The following NAALADL2 variants were observed in gnomAD, a reference collection of about 807,000 sequenced individuals.
NAALADL2 encodes N-acetylated alpha-linked acidic dipeptidase like 2.
NAALADL2 carries 76 observed loss-of-function variants against 87.2 expected under a neutral mutation model. The ratio of observed to expected loss-of-function variants is 0.87; its 90% CI spans 0.72 to 1.05. The LOEUF (loss-of-function observed/expected upper bound fraction) is 1.05. NAALADL2 is among the 50% of genes least tolerant of loss of function. The pLI is 0.00. For missense variants in NAALADL2, 1,089 were observed against 945.8 expected (o/e 1.15, Z -1.99); for synonymous variants, 354 against 331.0 (o/e 1.07, Z -0.75).
intron 1 of NAALADL2, among the ~76,000 whole-genome samples, chr3:174,947,899 A>G (rs2108499183): frequency 6.6e-6 from 1 of 152,204 alleles, no homozygotes; most frequent in Middle Eastern, 3.4e-3. Flanking sequence ...ATTTTGGTAA[A>G]CTTGCTGCCA....
chr3:175,036,534 G>A (rs2108943067), intron 1 of NAALADL2, among the ~76,000 whole-genome samples: 1 of 151,832 alleles, frequency 6.6e-6, no homozygotes, highest in South Asian at 2.1e-4. Flanking sequence ...CAAATAGCTG[G>A]GACTACAGGC....
chr3:174,606,842 A>C (rs1376985131), intron 2 of NAALADL2, among the ~76,000 whole-genome samples: 1 of 152,178 alleles, frequency 6.6e-6, no homozygotes, highest in Non-Finnish European at 1.5e-5. Context: ...ACTCCTCGAG[A>C]AGAGCAACTC....
chr3:174,835,181 A>G (rs1467168132), intron 3 of NAALADL2, among the ~76,000 whole-genome samples: 1 of 152,064 alleles, frequency 6.6e-6, no homozygotes, highest in Non-Finnish European at 1.5e-5. Context: ...AAAAATAACT[A>G]GGGGAAACAA....
intron 2 of NAALADL2, among the ~76,000 whole-genome samples, chr3:174,622,767 G>A (rs879338787): frequency 2.6e-5 from 4 of 152,164 alleles, no homozygotes; most frequent in African/African-American, 7.2e-5. Context: ...CGGGCCGGGC[G>A]CGGTGGCTCA....
At chr3:174,714,292 T>C (rs1730971874) in intron 2 of NAALADL2, among the ~76,000 whole-genome samples, 1 of 152,204 alleles carries the variant, frequency 6.6e-6, no homozygotes, top group African/African-American at 2.4e-5. Context: ...GGGCTCTTTT[T>C]TGGTTCCATA....
At chr3:175,238,390 G>T (rs960455143) in intron 3 of NAALADL2, among the ~76,000 whole-genome samples, 1 of 152,062 alleles carries the variant, frequency 6.6e-6, no homozygotes, top group Non-Finnish European at 1.5e-5. Flanking sequence ...AAACAAAAGG[G>T]ATTGTTAAAG....
chr3:175,183,025 T>G (rs984727690), intron 2 of NAALADL2, among the ~76,000 whole-genome samples: 2 of 146,048 alleles, frequency 1.4e-5, no homozygotes, highest in African/African-American at 4.9e-5. Context: ...ATTTGGGAAG[T>G]TTTTTGTGGT....
intron 3 of NAALADL2, among the ~76,000 whole-genome samples, chr3:174,807,372 C>T (rs1247263293): frequency 6.6e-6 from 1 of 152,100 alleles, no homozygotes; most frequent in African/African-American, 2.4e-5. Context: ...CTGCTTCTTG[C>T]TCATACGATG....
chr3:175,734,212 A>G (rs1472804930), intron 11 of NAALADL2, among the ~76,000 whole-genome samples: 1 of 152,128 alleles, frequency 6.6e-6, no homozygotes, highest in African/African-American at 2.4e-5. Flanking sequence ...CGCCCCTGCA[A>G]CAAATATTTG....
chr3:174,962,175 C>G (rs2108561477), intron 1 of NAALADL2, among the ~76,000 whole-genome samples: 1 of 151,682 alleles, frequency 6.6e-6, no homozygotes, highest in Non-Finnish European at 1.5e-5. Flanking sequence ...TGTGCAGATC[C>G]TAGGGCCACA....
rs1156340720 is a variant in NAALADL2 at position 175,806,242 on chromosome 3, T to A, written c.*3039T>A. ...GAATTCAGGCAAAGGACACAAAGACTGGGTACTTGAGAGAAAGTGGGGAGA... is the reference window on the plus strand; with the variant it reads ...GAATTCAGGCAAAGGACACAAAGACAGGGTACTTGAGAGAAAGTGGGGAGA... On this transcript the variant is annotated 3_prime_UTR_variant, in exon 14 of 14. Coordinates refer to ENST00000454872, the MANE Select transcript of NAALADL2 (RefSeq NM_207015.3). The A allele has an allele frequency of 6.6e-6, 1 of 151,532 alleles. No homozygotes were observed. Among genetic ancestry groups the A allele is most frequent in the Non-Finnish European group, 1.5e-5 (1 of 67,754 alleles). The allele number at this position is 151,532 out of a possible 1,614,324, so 9.4% of individuals were successfully genotyped here.
intron 9 of NAALADL2, among the ~76,000 whole-genome samples, chr3:175,517,832 A>G (rs191856000): frequency 1.7e-4 from 26 of 152,264 alleles, no homozygotes; most frequent in Non-Finnish European, 3.5e-4. Context: ...AGTACACCGG[A>G]TTTTATAGAC....
At position 175,096,867 on chromosome 3, in the gene NAALADL2, C is replaced by T. The variant is rs1382908983; in HGVS notation, c.121C>T (p.Leu41Phe). The T allele has an allele frequency of 1.9e-6, 3 of 1,612,608 alleles. No individual in the cohort carries two copies. Among genetic ancestry groups the T allele is most frequent in the Non-Finnish European group, 2.5e-6 (3 of 1,179,314 alleles). The change falls in exon 2 of 14, where the codon CTT becomes TTT. Residue 41 changes from leucine (L) to phenylalanine (F), a missense_variant. By Grantham distance (22) the Leu-to-Phe change is conservative. Transcript: ENST00000454872. Reference protein sequence around the residue: ...GHSQYLDNDDLQATALDLEWD... With the variant: ...GHSQYLDNDDFQATALDLEWD... The stretch of plus-strand genomic sequence containing the variant: ...CTCACAGTACTTAGACAATGATGAC[C>T]TTCAAGCCACTGCCCTTGACTTAGA...
intron 1 of NAALADL2, among the ~76,000 whole-genome samples, chr3:174,870,308 A>G (rs983902952): frequency 2.2e-4 from 34 of 152,304 alleles, no homozygotes; most frequent in African/African-American, 8.2e-4. Flanking sequence ...TTGAAAAGCA[A>G]TGGAACACCC....
intron 2 of NAALADL2, among the ~76,000 whole-genome samples, chr3:175,144,661 A>T: frequency 6.6e-6 from 1 of 151,784 alleles, no homozygotes; most frequent in Non-Finnish European, 1.5e-5. Context: ...TGTGTTACTT[A>T]TCTCCGTCAC....
At chr3:175,001,852 G>A (rs1748278666) in intron 1 of NAALADL2, among the ~76,000 whole-genome samples, 1 of 152,086 alleles carries the variant, frequency 6.6e-6, no homozygotes, top group Admixed American at 6.6e-5. Flanking sequence ...TGCCACAAGT[G>A]GAAAATTAAA....
chr3:175,538,496 T>C (rs1217673990), intron 9 of NAALADL2, among the ~76,000 whole-genome samples: 4 of 151,932 alleles, frequency 2.6e-5, no homozygotes, highest in Non-Finnish European at 5.9e-5. Context: ...ATGAGCCCCA[T>C]AGAATAGGTC....
At chr3:175,506,734 C>T (rs7628432) in intron 9 of NAALADL2, among the ~76,000 whole-genome samples, 3,378 of 152,266 alleles carry the variant, frequency 0.022, 124 homozygotes, top group African/African-American at 0.077. Context: ...AGCTCTTGGG[C>T]TGCTTTTAAA....
intron 5 of NAALADL2, among the ~76,000 whole-genome samples, chr3:175,373,381 T>A (rs1373009541): frequency 6.6e-6 from 1 of 152,210 alleles, no homozygotes; most frequent in African/African-American, 2.4e-5. Flanking sequence ...ATTTATTTTG[T>A]CTATTCTAGA....
Sources: allele counts gnomAD v4.1 joint callset (sites outside exome capture counted in the v4.1 genomes callset), GRCh38; gene constraint gnomAD v4.1.1; transcripts MANE v1.5; gene names NCBI Gene and HGNC (gene_info 2026-07-23, HGNC 2026-07-21).